SUGCT: variants seen among roughly 807,000 people sequenced by gnomAD.
SUGCT encodes the protein succinyl-CoA:glutarate-CoA transferase.
In SUGCT, 41 loss-of-function variants were observed where a neutral mutation model predicts 55.0. The ratio of observed to expected loss-of-function variants is 0.74; its 90% confidence interval spans 0.58 to 0.97. SUGCT has a LOEUF of 0.97. Ranked by LOEUF, SUGCT falls within the 50% of genes least tolerant of loss-of-function variation. SUGCT has a pLI of 0.00. For missense variants in SUGCT, 568 were observed against 547.8 expected, an observed-to-expected ratio of 1.04 and a Z score of -0.37; for synonymous variants, 187 against 200.4, an observed-to-expected ratio of 0.93 and a Z score of 0.56.
intron 1 of SUGCT, among the ~76,000 whole-genome samples, chr7:40,175,853 A>G (rs1301393863): frequency 6.6e-6 from 1 of 152,104 alleles, no homozygotes; most frequent in Non-Finnish European, 1.5e-5. Flanking sequence ...ACAATGACCT[A>G]CTCAAATTTT....
intron 9 of SUGCT, among the ~76,000 whole-genome samples, chr7:40,391,976 C>T (rs1429193438): frequency 6.6e-6 from 1 of 152,128 alleles, no homozygotes; most frequent in East Asian, 1.9e-4. Context: ...GAGTTCATTT[C>T]CTTTGTAGGG....
At chr7:40,359,485 G>A (rs1461217034) in intron 9 of SUGCT, among the ~76,000 whole-genome samples, 2 of 152,078 alleles carry the variant, frequency 1.3e-5, no homozygotes, top group Admixed American at 6.5e-5. Context: ...GATTACAGGC[G>A]TGAGCCACTG....
chr7:40,406,673 T>C (rs994402783), intron 9 of SUGCT, among the ~76,000 whole-genome samples: 1 of 152,212 alleles, frequency 6.6e-6, no homozygotes, highest in Admixed American at 6.5e-5. Flanking sequence ...GTTTGTTCAA[T>C]TGTGAGTTAA....
chr7:40,219,774 C>T (rs1787921742), intron 6 of SUGCT, among the ~76,000 whole-genome samples: 2 of 151,798 alleles, frequency 1.3e-5, no homozygotes, highest in Admixed American at 1.3e-4. Context: ...CAGAAAAAAA[C>T]CTGTGTAAAT....
chr7:40,706,537 G>A (rs545640187), intron 12 of SUGCT, among the ~76,000 whole-genome samples: 20 of 152,268 alleles, frequency 1.3e-4, no homozygotes, highest in African/African-American at 4.6e-4. Flanking sequence ...AGCATGATAA[G>A]AGTCTTCGAA....
the SUGCT span, among the ~76,000 whole-genome samples, chr7:40,874,845 G>T: frequency 6.6e-6 from 1 of 152,162 alleles, no homozygotes; most frequent in Admixed American, 6.5e-5. Flanking sequence ...TTTATACAAG[G>T]TCACAGTAGT....
intron 12 of SUGCT, among the ~76,000 whole-genome samples, chr7:40,647,849 G>A (rs898087098): frequency 6.6e-6 from 1 of 151,716 alleles, no homozygotes; most frequent in African/African-American, 2.4e-5. Context: ...TAGACCACTT[G>A]CCCAAGTTCA....
intron 6 of SUGCT, among the ~76,000 whole-genome samples, chr7:40,197,614 A>G (rs1786363249): frequency 6.6e-6 from 1 of 152,190 alleles, no homozygotes; most frequent in Non-Finnish European, 1.5e-5. Context: ...GTGCAAGAGA[A>G]CAAGCCCATT....
At chr7:40,224,345 G>GT (rs889852544) in intron 6 of SUGCT, among the ~76,000 whole-genome samples, 14 of 151,108 alleles carry the variant, frequency 9.3e-5, no homozygotes, top group Admixed American at 2.6e-4. Context: ...GTTTATAATA[G>GT]TTTTTTTTCC....
At chr7:41,009,959 A>T in the SUGCT span, among the ~76,000 whole-genome samples, 2 of 152,326 alleles carry the variant, frequency 1.3e-5, no homozygotes, top group African/African-American at 4.8e-5. Context: ...TATGTGCTGT[A>T]TTCACATGCA....
At chr7:40,458,975 T>A in intron 10 of SUGCT, 126 bp from the exon 11 acceptor site, 2 of 625,088 alleles carry the variant, frequency 3.2e-6, no homozygotes, top group Non-Finnish European at 5.7e-6. Flanking sequence ...ATGTCCTTGT[T>A]GAGGGGCATA....
At chr7:40,558,109 A>C (rs929888402) in intron 12 of SUGCT, among the ~76,000 whole-genome samples, 28 of 152,068 alleles carry the variant, frequency 1.8e-4, no homozygotes, top group Middle Eastern at 3.4e-3. Context: ...AAAAAAAAAA[A>C]AACCAGAAAA....
chr7:40,764,504 G>A (rs1788682243), intron 13 of SUGCT, among the ~76,000 whole-genome samples: 2 of 151,826 alleles, frequency 1.3e-5, no homozygotes. Flanking sequence ...TCTTTATAAG[G>A]CTTTCTTCTT....
chr7:40,771,377 T>C (rs1478924602), intron 13 of SUGCT, among the ~76,000 whole-genome samples: 1 of 152,188 alleles, frequency 6.6e-6, no homozygotes, highest in African/African-American at 2.4e-5. Context: ...GATAGTCAAA[T>C]TGAATTATAA....
At chr7:40,555,795 T>G (rs1311866528) in intron 12 of SUGCT, among the ~76,000 whole-genome samples, 1 of 152,126 alleles carries the variant, frequency 6.6e-6, no homozygotes, top group Non-Finnish European at 1.5e-5. Flanking sequence ...CATATCTCGG[T>G]GTGGCTGCTC....
At chr7:40,894,349 A>G in the SUGCT span, among the ~76,000 whole-genome samples, 3 of 152,238 alleles carry the variant, frequency 2.0e-5, no homozygotes, top group Non-Finnish European at 4.4e-5. Flanking sequence ...TGCAAAACTT[A>G]AAACTACAAA....
At chr7:40,867,010 C>T in the SUGCT span, among the ~76,000 whole-genome samples, 1 of 151,504 alleles carries the variant, frequency 6.6e-6, no homozygotes, top group African/African-American at 2.4e-5. Flanking sequence ...CTAGAATAGG[C>T]CCAGATGGGG....
the SUGCT span, among the ~76,000 whole-genome samples, chr7:40,926,234 T>A: frequency 6.6e-6 from 1 of 152,172 alleles, no homozygotes; most frequent in South Asian, 2.1e-4. Context: ...TCAATAGTAG[T>A]AATCAAGCCT....
At chr7:40,263,463 G>A (rs139843572) in intron 7 of SUGCT, among the ~76,000 whole-genome samples, 2,247 of 152,266 alleles carry the variant, frequency 0.015, 48 homozygotes, top group Middle Eastern at 0.027. Flanking sequence ...AAGTGGTATA[G>A]GCAGCAGTTT....
Sources: gnomAD v4.1 joint callset for allele counts (sites outside exome capture counted in the v4.1 genomes callset) on GRCh38, gnomAD v4.1.1 for gene constraint, MANE v1.5 for transcripts, NCBI Gene and HGNC (gene_info 2026-07-23, HGNC 2026-07-21) for gene names.